CDH12: variants seen among roughly 807,000 people sequenced by gnomAD.
The protein encoded by CDH12 is cadherin 12.
Under a neutral mutation model 74.1 loss-of-function variants are expected in CDH12, and 41 were observed. The observed-to-expected ratio is 0.55, with a 90% CI of 0.43 to 0.72. The LOEUF (loss-of-function observed/expected upper bound fraction) is 0.72. Among genes scored for constraint, CDH12 ranks in the 30% least tolerant of loss-of-function variants. The probability of loss-of-function intolerance (pLI) is 0.00; values close to 1 mark genes in which losing one functional copy is unlikely to be tolerated. For missense variants in CDH12, 945 were observed against 977.2 expected, an observed-to-expected ratio of 0.97 and a Z score of 0.44; for synonymous variants, 399 against 355.0, an observed-to-expected ratio of 1.12 and a Z score of -1.39.
At chr5:22,608,231 C>T (rs559409543) in intron 1 of CDH12, among the ~76,000 whole-genome samples, 6 of 152,334 alleles carry the variant, frequency 3.9e-5, no homozygotes, top group Admixed American at 2.6e-4. Context: ...TGGAGCTGCC[C>T]AAGGCTGTGG....
intron 3 of CDH12, among the ~76,000 whole-genome samples, chr5:22,341,393 T>TA (rs1031883015): frequency 4.6e-5 from 7 of 152,204 alleles, no homozygotes; most frequent in Non-Finnish European, 1.0e-4. Context: ...ACAGAAAAGA[T>TA]ACACAGGCAT....
intron 3 of CDH12, among the ~76,000 whole-genome samples, chr5:22,294,200 C>G (rs141198175): frequency 6.6e-6 from 1 of 152,144 alleles, no homozygotes; most frequent in East Asian, 1.9e-4. Flanking sequence ...GATCTATCAG[C>G]AAACACATGA....
Position 22,254,153 on chromosome 5 carries a change from A to C in CDH12, c.-332-41510T>G, listed in dbSNP as rs996959162. ...CTTTAATGTAACCTGATAGTGCTGA[A>C]ACTTTTAGGTATATACATGAATAAC... is the stretch of plus-strand genomic sequence containing the variant. On this transcript the variant is annotated intron_variant, in intron 3 of 14. Transcript: ENST00000382254. Among the ~76,000 whole-genome samples, 9 of 151,824 alleles carry C rather than the reference A, an allele frequency of 5.9e-5. No individual in the cohort carries two copies. In the East Asian group the frequency reaches 1.7e-3, roughly 29 times the overall value.
At chr5:22,017,480 T>C (rs1370271419) in intron 5 of CDH12, among the ~76,000 whole-genome samples, 2 of 152,148 alleles carry the variant, frequency 1.3e-5, no homozygotes, top group African/African-American at 4.8e-5. Flanking sequence ...TGCTCCCTTA[T>C]GTATATCAGA....
chr5:22,651,641 G>A (rs1739744416), intron 1 of CDH12, among the ~76,000 whole-genome samples: 1 of 151,696 alleles, frequency 6.6e-6, no homozygotes, highest in South Asian at 2.1e-4. Context: ...TTCAAGATAA[G>A]ATTTGGGTGG....
chr5:21,776,701 C>T (rs957064165), intron 11 of CDH12, among the ~76,000 whole-genome samples: 4 of 152,156 alleles, frequency 2.6e-5, no homozygotes, highest in Non-Finnish European at 5.9e-5. Context: ...ATGCTGCCTG[C>T]ATCATTGAAC....
chr5:21,841,940 A>G (rs1749880994), intron 8 of CDH12, among the ~76,000 whole-genome samples: 1 of 151,360 alleles, frequency 6.6e-6, no homozygotes, highest in Non-Finnish European at 1.5e-5. Flanking sequence ...GCGCACCAGC[A>G]TGGCACATGT....
At chr5:22,661,683 A>C (rs577035454) in intron 1 of CDH12, among the ~76,000 whole-genome samples, 32 of 152,240 alleles carry the variant, frequency 2.1e-4, no homozygotes, top group Middle Eastern at 3.4e-3. Flanking sequence ...TTGTTAAATA[A>C]ATTTCAGAAA....
intron 3 of CDH12, among the ~76,000 whole-genome samples, chr5:22,290,381 G>A (rs559348387): frequency 9.2e-5 from 14 of 152,142 alleles, no homozygotes; most frequent in African/African-American, 3.4e-4. Flanking sequence ...AAATACAGGA[G>A]AGCCATTCAA....
chr5:22,260,960 T>C (rs1397577048), intron 3 of CDH12, among the ~76,000 whole-genome samples: 1 of 151,928 alleles, frequency 6.6e-6, no homozygotes, highest in South Asian at 2.1e-4. Context: ...CCATTTCAGT[T>C]ATACATATTA....
chr5:22,359,315 G>T (rs1303627415), intron 3 of CDH12, among the ~76,000 whole-genome samples: 2 of 152,114 alleles, frequency 1.3e-5, no homozygotes, highest in African/African-American at 4.8e-5. Flanking sequence ...AAACAACAAA[G>T]CTCAAAAGAG....
intron 3 of CDH12, among the ~76,000 whole-genome samples, chr5:22,285,583 G>A (rs1737098357): frequency 6.6e-6 from 1 of 151,994 alleles, no homozygotes; most frequent in African/African-American, 2.4e-5. Context: ...ACACTCAGGT[G>A]GTATCCACTA....
intron 5 of CDH12, among the ~76,000 whole-genome samples, chr5:22,066,707 T>C (rs190393112): frequency 1.4e-4 from 21 of 152,262 alleles, no homozygotes; most frequent in Non-Finnish European, 2.1e-4. Context: ...AGAACAATAA[T>C]AAAGCCAAGC....
intron 1 of CDH12, among the ~76,000 whole-genome samples, chr5:22,556,714 T>A (rs1738818443): frequency 1.3e-5 from 2 of 152,130 alleles, no homozygotes; most frequent in Admixed American, 1.3e-4. Flanking sequence ...TCAGTTTGAC[T>A]AAATAGGTTT....
intron 1 of CDH12, among the ~76,000 whole-genome samples, chr5:22,543,278 G>A (rs1049955572): frequency 3.9e-5 from 6 of 152,090 alleles, no homozygotes; most frequent in Admixed American, 2.6e-4. Flanking sequence ...TATAACAATT[G>A]TATACCTTTG....
In CDH12 at chr5:21,880,574, T is replaced by C. The variant is rs1179751203; in HGVS notation, c.527-25784A>G. On this transcript the variant is annotated intron_variant, in intron 6 of 14. Transcript: ENST00000382254. The stretch of plus-strand genomic sequence containing the variant: ...TCCTTCCTTCCTTCCCTTCTTTCTT[T>C]CCTTCCTTCCTTCCTTCCTTCCTTC... 4.0e-3 allele frequency among the ~76,000 whole-genome samples: 129 copies of C among 32,520 alleles called. 3 individuals are homozygous for C. The highest frequency in any genetic ancestry group is 0.011 in the African/African-American group (87 of 7,846). The allele number at this position is 32,520 out of a possible 152,430, so 21.3% of individuals were successfully genotyped here.
chr5:22,774,445 TG>T (rs1233785021), intron 1 of CDH12, among the ~76,000 whole-genome samples: 1 of 152,054 alleles, frequency 6.6e-6, no homozygotes, highest in African/African-American at 2.4e-5. Context: ...TGACATGGTT[TG>T]GCTGTGTCCC....
At chr5:22,097,287 TC>T (rs1743841874) in intron 4 of CDH12, among the ~76,000 whole-genome samples, 1 of 152,120 alleles carries the variant, frequency 6.6e-6, no homozygotes, top group Admixed American at 6.6e-5. Context: ...ACTGACTCCT[TC>T]CCAGCTCTTC....
intron 1 of CDH12, among the ~76,000 whole-genome samples, chr5:22,600,507 C>CT (rs564543939): frequency 9.0e-4 from 137 of 152,100 alleles, no homozygotes; most frequent in South Asian, 4.8e-3. Context: ...TGTAATAATG[C>CT]TTTTTTCTAC....
Sources: gnomAD v4.1 joint callset for allele counts (sites outside exome capture counted in the v4.1 genomes callset) on GRCh38, gnomAD v4.1.1 for gene constraint, MANE v1.5 for transcripts, NCBI Gene and HGNC (gene_info 2026-07-23, HGNC 2026-07-21) for gene names.